GRM1: variants seen among roughly 807,000 people sequenced by gnomAD.
The protein encoded by GRM1 is metabotropic glutamate receptor 1.
Under a neutral mutation model 90.9 loss-of-function variants are expected in GRM1, and 33 were observed. That is an observed-to-expected ratio of 0.36 (90% CI 0.28 to 0.49). The LOEUF (loss-of-function observed/expected upper bound fraction) is 0.49, where lower values mean the gene tolerates loss of function less well. Ranked by LOEUF, GRM1 falls within the 20% of genes least tolerant of loss-of-function variation. The pLI, the probability that GRM1 is intolerant of heterozygous loss-of-function variation, is 0.99. For missense variants in GRM1, 1,190 were observed against 1,534.3 expected, an observed-to-expected ratio of 0.78 and a Z score of 3.75; for synonymous variants, 700 against 613.2, an observed-to-expected ratio of 1.14 and a Z score of -2.09.
chr6:146,190,926 G>A (rs1778915410), intron 2 of GRM1, among the ~76,000 whole-genome samples: 1 of 152,112 alleles, frequency 6.6e-6, no homozygotes, highest in South Asian at 2.1e-4. Flanking sequence ...TTTAGTCTTT[G>A]GGATGTAGTT....
intron 2 of GRM1, among the ~76,000 whole-genome samples, chr6:146,189,022 G>T (rs142342433): frequency 6.6e-6 from 1 of 152,138 alleles, no homozygotes; most frequent in Admixed American, 6.6e-5. Flanking sequence ...AGTCCATAAC[G>T]TGGTTGAGAG....
chr6:146,339,913 A>T (rs1784909816), intron 3 of GRM1, among the ~76,000 whole-genome samples: 1 of 152,224 alleles, frequency 6.6e-6, no homozygotes. Flanking sequence ...GAAACCCATT[A>T]AACTGCAACA....
At chr6:146,215,497 A>T (rs980985144) in intron 2 of GRM1, among the ~76,000 whole-genome samples, 1 of 152,164 alleles carries the variant, frequency 6.6e-6, no homozygotes, top group East Asian at 1.9e-4. Flanking sequence ...CAACAAATAG[A>T]TGTGAATAAC....
intron 1 of GRM1, among the ~76,000 whole-genome samples, chr6:146,052,218 C>T (rs1471024842): frequency 4.6e-5 from 7 of 151,764 alleles, no homozygotes; most frequent in Admixed American, 4.6e-4. Flanking sequence ...ACCAAACTTT[C>T]CTCAATATTA....
intron 2 of GRM1, among the ~76,000 whole-genome samples, chr6:146,240,532 G>C (rs1420434773): frequency 2.6e-5 from 4 of 152,050 alleles, no homozygotes; most frequent in African/African-American, 9.7e-5. Flanking sequence ...GGCAGGAAGG[G>C]AGCCAGGAAA....
intron 1 of GRM1, among the ~76,000 whole-genome samples, chr6:146,156,017 G>A (rs1284816353): frequency 6.6e-6 from 1 of 152,224 alleles, no homozygotes; most frequent in Non-Finnish European, 1.5e-5. Flanking sequence ...GTCTAGGGAA[G>A]AGCTGATATT....
rs1195779695 is a variant in GRM1 at position 146,397,473 on chromosome 6, C to CAAAAAAAAAAA, written c.1730-1286_1730-1285insAAAAAAAAAAA. 7.2e-4 allele frequency among the ~76,000 whole-genome samples: 12 copies of CAAAAAAAAAAA among 16,766 alleles called. 1 individual carries two copies. Among genetic ancestry groups the CAAAAAAAAAAA allele is most frequent in the African/African-American group, 1.3e-3 (6 of 4,578 alleles). 11.0% of individuals were successfully genotyped at this position (16,766 alleles called of 152,430 possible). On this transcript the variant is annotated intron_variant, in intron 6 of 7. Coordinates refer to ENST00000282753, the MANE Select transcript of GRM1 (RefSeq NM_001278064.2). ...TGGGCAACAGAGTGAGACCCCGTCT[C>CAAAAAAAAAAA]AAAAAAAAAAGAAAAAAAAAAAAAA...
At chr6:146,059,394 T>C (rs1775589074) in intron 1 of GRM1, among the ~76,000 whole-genome samples, 1 of 152,144 alleles carries the variant, frequency 6.6e-6, no homozygotes, top group African/African-American at 2.4e-5. Flanking sequence ...ATCTCAACAG[T>C]GGGCTTTAAA....
chr6:146,131,249 T>C (rs1400307162), intron 1 of GRM1, among the ~76,000 whole-genome samples: 2 of 152,148 alleles, frequency 1.3e-5, no homozygotes, highest in Admixed American at 1.3e-4. Flanking sequence ...AATGTTGTAA[T>C]TCTCAAGTAG....
intron 1 of GRM1, among the ~76,000 whole-genome samples, chr6:146,068,530 G>C (rs891731493): frequency 2.9e-5 from 4 of 139,810 alleles, no homozygotes; most frequent in African/African-American, 1.3e-4. Flanking sequence ...ACAAGATAGA[G>C]AGAGAAGACC....
intron 3 of GRM1, among the ~76,000 whole-genome samples, chr6:146,343,718 A>G (rs1208032864): frequency 6.6e-6 from 1 of 150,442 alleles, no homozygotes; most frequent in Non-Finnish European, 1.5e-5. Flanking sequence ...CCAGGCTGGA[A>G]TGCAGTGGCA....
intron 6 of GRM1, 42 bp from the exon 7 acceptor site, chr6:146,398,726 CA>C (rs1303072052): frequency 3.7e-6 from 5 of 1,333,856 alleles, no homozygotes; most frequent in Admixed American, 3.4e-5. Context: ...TTATTCCTAG[CA>C]GAAACCTTGG....
intron 6 of GRM1, among the ~76,000 whole-genome samples, chr6:146,395,856 T>C (rs914253702): frequency 6.6e-6 from 1 of 152,098 alleles, no homozygotes; most frequent in African/African-American, 2.4e-5. Flanking sequence ...GAAGGTAGCA[T>C]TCAGAAGGTT....
intron 1 of GRM1, among the ~76,000 whole-genome samples, chr6:146,070,283 A>G (rs967049624): frequency 2.0e-5 from 3 of 152,182 alleles, no homozygotes; most frequent in Admixed American, 2.0e-4. Flanking sequence ...TATGCAGAAT[A>G]TAAGTGAGAG....
chr6:146,074,038 T>C (rs756702422), intron 1 of GRM1, among the ~76,000 whole-genome samples: 2 of 152,142 alleles, frequency 1.3e-5, no homozygotes, highest in Non-Finnish European at 2.9e-5. Flanking sequence ...ATGTGAATGT[T>C]TTATCAGTAC....
At chr6:146,369,897 T>C (rs1775835298) in intron 5 of GRM1, among the ~76,000 whole-genome samples, 1 of 147,036 alleles carries the variant, frequency 6.8e-6, no homozygotes, top group Non-Finnish European at 1.5e-5. Flanking sequence ...GTCTGAATGA[T>C]TGGTCCATTG....
intron 2 of GRM1, among the ~76,000 whole-genome samples, chr6:146,284,817 A>G (rs7743009): frequency 0.11 from 16,312 of 152,180 alleles, 1,683 homozygotes; most frequent in African/African-American, 0.27. Context: ...TCTTTTGTTT[A>G]TAAATTACCC....
At chr6:146,234,029 A>T (rs569493735) in intron 2 of GRM1, among the ~76,000 whole-genome samples, 2 of 152,130 alleles carry the variant, frequency 1.3e-5, no homozygotes, top group South Asian at 2.1e-4. Context: ...TTATGGATTA[A>T]TCCCTTTATC....
intron 1 of GRM1, among the ~76,000 whole-genome samples, chr6:146,158,256 CTA>C (rs1777590662): frequency 6.6e-6 from 1 of 151,866 alleles, no homozygotes; most frequent in African/African-American, 2.4e-5. Context: ...AAGAGGTAGA[CTA>C]TGAAATCTAA....
Sources: allele counts gnomAD v4.1 joint callset (sites outside exome capture counted in the v4.1 genomes callset), GRCh38; gene constraint gnomAD v4.1.1; transcripts MANE v1.5; gene names NCBI Gene and HGNC (gene_info 2026-07-23, HGNC 2026-07-21).